ARHGAP15: variants seen among roughly 807,000 people sequenced by gnomAD.
The protein encoded by ARHGAP15 is Rho GTPase activating protein 15.
ARHGAP15 carries 51 observed loss-of-function variants against 63.7 expected under a neutral mutation model. The ratio of observed to expected loss-of-function variants is 0.80; its 90% CI spans 0.64 to 1.01. The LOEUF is 1.01. Ranked by LOEUF, ARHGAP15 falls within the 50% of genes least tolerant of loss-of-function variation. ARHGAP15 has a pLI of 0.00. For synonymous variants in ARHGAP15, 191 were observed against 193.8 expected (o/e 0.99, Z 0.12); for missense variants, 560 against 564.6 (o/e 0.99, Z 0.08).
chr2:143,700,728 A>C (rs1211772460), intron 12 of ARHGAP15, among the ~76,000 whole-genome samples: 1 of 152,154 alleles, frequency 6.6e-6, no homozygotes, highest in Non-Finnish European at 1.5e-5. Context: ...ATACACACAC[A>C]ATTATGGTTG....
chr2:143,307,770 T>C (rs1574247985), intron 6 of ARHGAP15, among the ~76,000 whole-genome samples: 1 of 152,136 alleles, frequency 6.6e-6, no homozygotes. Context: ...GGGGTCTCAA[T>C]CAAGCAGCTG....
intron 1 of ARHGAP15, among the ~76,000 whole-genome samples, chr2:143,133,882 T>C (rs1689008594): frequency 6.6e-6 from 1 of 152,176 alleles, no homozygotes; most frequent in Non-Finnish European, 1.5e-5. Flanking sequence ...GTATATAACA[T>C]AACTGCACGC....
At chr2:143,667,108 G>A (rs1559114364) in intron 12 of ARHGAP15, among the ~76,000 whole-genome samples, 1 of 151,138 alleles carries the variant, frequency 6.6e-6, no homozygotes, top group East Asian at 2.0e-4. Context: ...CTGCTATAAA[G>A]ACACATGCAC....
intron 8 of ARHGAP15, among the ~76,000 whole-genome samples, chr2:143,477,438 T>C (rs1327806556): frequency 6.6e-6 from 1 of 152,118 alleles, no homozygotes; most frequent in Non-Finnish European, 1.5e-5. Flanking sequence ...TTAATATTAA[T>C]CTATTAAGAT....
intron 11 of ARHGAP15, among the ~76,000 whole-genome samples, chr2:143,567,389 C>T (rs1696272403): frequency 6.6e-6 from 1 of 152,198 alleles, no homozygotes; most frequent in African/African-American, 2.4e-5. Context: ...CAGGCGTTAG[C>T]CCTCAGGACC....
intron 6 of ARHGAP15, among the ~76,000 whole-genome samples, chr2:143,415,234 A>G (rs1343352413): frequency 6.6e-6 from 1 of 152,180 alleles, no homozygotes; most frequent in African/African-American, 2.4e-5. Context: ...ATAAAATTGA[A>G]TACCTGATTT....
intron 6 of ARHGAP15, among the ~76,000 whole-genome samples, chr2:143,371,015 A>G (rs113383500): frequency 4.6e-5 from 7 of 152,294 alleles, no homozygotes; most frequent in African/African-American, 1.4e-4. Flanking sequence ...ATTGGGGGGA[A>G]TAGGTTGTTG....
intron 5 of ARHGAP15, among the ~76,000 whole-genome samples, chr2:143,250,076 G>GT (rs1280582545): frequency 1.3e-5 from 2 of 151,952 alleles, no homozygotes; most frequent in African/African-American, 4.8e-5. Context: ...CTCTGTAACA[G>GT]TTTTTTGCAT....
intron 2 of ARHGAP15, among the ~76,000 whole-genome samples, chr2:143,198,605 C>T (rs1691982229): frequency 6.6e-6 from 1 of 152,034 alleles, no homozygotes; most frequent in South Asian, 2.1e-4. Context: ...ATCTCTTATG[C>T]TCCTAATAAT....
At chr2:143,669,085 T>C (rs1454945332) in intron 12 of ARHGAP15, among the ~76,000 whole-genome samples, 1 of 152,230 alleles carries the variant, frequency 6.6e-6, no homozygotes, top group Admixed American at 6.5e-5. Context: ...ATAGCTAACA[T>C]TGATTGAGCA....
intron 8 of ARHGAP15, among the ~76,000 whole-genome samples, chr2:143,438,757 G>GGT: frequency 6.6e-6 from 1 of 152,156 alleles, no homozygotes; most frequent in African/African-American, 2.4e-5. Context: ...TGAGACATAA[G>GGT]GTAAGATTTC....
At chr2:143,734,796 G>A (rs1685682306) in intron 13 of ARHGAP15, among the ~76,000 whole-genome samples, 1 of 152,168 alleles carries the variant, frequency 6.6e-6, no homozygotes. Context: ...GTTTCTACAT[G>A]GATATGTATA....
intron 13 of ARHGAP15, among the ~76,000 whole-genome samples, chr2:143,744,122 G>A (rs1415434691): frequency 6.6e-6 from 1 of 152,166 alleles, no homozygotes; most frequent in Non-Finnish European, 1.5e-5. Flanking sequence ...AAGCTGGAAA[G>A]AATAAATCCA....
intron 11 of ARHGAP15, among the ~76,000 whole-genome samples, chr2:143,562,625 C>T (rs1197381784): frequency 6.6e-6 from 1 of 152,002 alleles, no homozygotes; most frequent in East Asian, 1.9e-4. Flanking sequence ...ATTTATTTTT[C>T]CCATTAAAGT....
chr2:143,445,153 A>ATTTTTTTTTTTTTTTTTTTTTTTTTTT (rs10671306), intron 8 of ARHGAP15, among the ~76,000 whole-genome samples: 1 of 74,426 alleles, frequency 1.3e-5, no homozygotes, highest in African/African-American at 5.4e-5. Flanking sequence ...AAGAACAATT[A>ATTTTTTTTTTTTTTTTTTTTTTTTTTT]TTTTTTTTTT....
At chr2:143,603,579 C>G (rs1697861717) in intron 11 of ARHGAP15, among the ~76,000 whole-genome samples, 1 of 152,088 alleles carries the variant, frequency 6.6e-6, no homozygotes, top group African/African-American at 2.4e-5. Flanking sequence ...TTTAAGGCAT[C>G]TAATGATTGA....
intron 4 of ARHGAP15, among the ~76,000 whole-genome samples, chr2:143,225,575 C>T (rs964023551): frequency 1.3e-5 from 2 of 152,186 alleles, no homozygotes; most frequent in East Asian, 3.9e-4. Flanking sequence ...CACTCCAGTC[C>T]AGCCTGGGCG....
At chr2:143,614,264 TATATA>T (rs1353124084) in intron 11 of ARHGAP15, among the ~76,000 whole-genome samples, 2 of 152,164 alleles carry the variant, frequency 1.3e-5, no homozygotes. Flanking sequence ...TGCAAGAAGT[TATATA>T]ATAACATTTA....
At chr2:143,470,605 GTATA>G in intron 8 of ARHGAP15, among the ~76,000 whole-genome samples, 2 of 149,616 alleles carry the variant, frequency 1.3e-5, no homozygotes. Flanking sequence ...GCATGTGTGT[GTATA>G]TATGTGTATA....
Sources: allele counts gnomAD v4.1 joint callset (sites outside exome capture counted in the v4.1 genomes callset), GRCh38; gene constraint gnomAD v4.1.1; transcripts MANE v1.5; gene names NCBI Gene and HGNC (gene_info 2026-07-23, HGNC 2026-07-21).